Variants in EFNB2 observed in about 807,000 individuals in gnomAD.
The protein encoded by EFNB2 is ephrin B2, also known as ephrin-B2.
A neutral mutation model predicts 32.1 loss-of-function variants in EFNB2; 5 were observed. The ratio of observed to expected loss-of-function variants is 0.16; its 90% CI spans 0.08 to 0.33. EFNB2 has a LOEUF of 0.33. EFNB2 is among the 10% of genes least tolerant of loss of function. The pLI, the probability that EFNB2 is intolerant of heterozygous loss-of-function variation, is 1.00. For synonymous variants in EFNB2, 168 were observed against 166.5 expected (o/e 1.01, Z -0.07); for missense variants, 263 against 422.6 (o/e 0.62, Z 3.31).
intron 2 of EFNB2, among the ~76,000 whole-genome samples, chr13:106,507,842 A>G (rs1594167362): frequency 6.6e-6 from 1 of 152,238 alleles, no homozygotes; most frequent in African/African-American, 2.4e-5. Context: ...CTTACGGACT[A>G]TGCCACAAGA....
intron 2 of EFNB2, among the ~76,000 whole-genome samples, chr13:106,498,231 A>C (rs1878655540): frequency 6.6e-6 from 1 of 152,190 alleles, no homozygotes; most frequent in Non-Finnish European, 1.5e-5. Flanking sequence ...TTTAATCTTG[A>C]GGGGGAAAAG....
At chr13:106,495,133 A>T (rs183842757) in intron 3 of EFNB2, 139 bp from the exon 4 acceptor site, 1 of 671,914 alleles carries the variant, frequency 1.5e-6, no homozygotes, top group African/African-American at 1.8e-5. Context: ...ATACAAGAAT[A>T]TAATTTTTCT....
At chr13:106,515,749 G>C (rs368185789) in intron 1 of EFNB2, among the ~76,000 whole-genome samples, 100 of 152,174 alleles carry the variant, frequency 6.6e-4, no homozygotes, top group Non-Finnish European at 1.1e-3. Context: ...GTTGAGCTGA[G>C]AGCCTGAACT....
intron 1 of EFNB2, among the ~76,000 whole-genome samples, chr13:106,526,752 A>AG (rs1420064184): frequency 6.6e-6 from 1 of 152,194 alleles, no homozygotes; most frequent in Non-Finnish European, 1.5e-5. Flanking sequence ...CTCACTCATG[A>AG]GACAATTCTG....
At chr13:106,523,010 AAC>A (rs1259608849) in intron 1 of EFNB2, among the ~76,000 whole-genome samples, 2 of 152,182 alleles carry the variant, frequency 1.3e-5, no homozygotes, top group Non-Finnish European at 2.9e-5. Context: ...TCAGCCCAGT[AAC>A]ACAGTTTACA....
intron 2 of EFNB2, among the ~76,000 whole-genome samples, chr13:106,504,899 TA>T (rs1164135375): frequency 6.6e-6 from 1 of 152,188 alleles, no homozygotes; most frequent in Non-Finnish European, 1.5e-5. Flanking sequence ...TTGAGGGGCT[TA>T]AAGTACTTGC....
In EFNB2 at chr13:106,512,392, A is replaced by AGGG. The variant is rs59267623; in HGVS notation, c.406+134_406+136dup. 4.5e-3 allele frequency: 1,348 copies of AGGG among 301,058 alleles called. 26 individuals are homozygous for AGGG. The highest frequency in any genetic ancestry group is 6.1e-3 in the East Asian group (98 of 15,964). 18.6% of individuals were successfully genotyped at this position (301,058 alleles called of 1,614,324 possible). ...ATGAAGTTTTCTTTGAAAAAAAAAA[A>AGGG]GGGGGGGGGGACAATTTTTCCACAT... On this transcript the variant is annotated intron_variant, in intron 2 of 4. Transcript: ENST00000646441.
chr13:106,512,530 T>C lies in EFNB2; in HGVS notation c.405A>G (p.Ile135Met). ...ATAAATGAATAAAATTATACTTACA[T>C]ATAATGTAATAATCTTTGTTCTTCT... ...EFQKNKDYYI[I>M]STSNGSLEGL... Residue 135 changes from isoleucine to methionine, a missense_variant and splice_region_variant, in exon 2 of 5, where the codon ATA becomes ATG. Around this residue, in one of 3 missense-constraint regions of EFNB2, gnomAD observed 45 missense variants for 128.6 expected, o/e 0.35. Coordinates refer to ENST00000646441, the MANE Select transcript of EFNB2 (RefSeq NM_004093.4). The C allele has an allele frequency of 6.4e-7, 1 of 1,572,794 alleles. No homozygotes were observed. The highest frequency in any genetic ancestry group is 2.2e-5 in the East Asian group (1 of 44,562).
rs1878374189 is a variant in EFNB2 at position 106,490,741 on chromosome 13, A to ATAGATATATATAATATATATTG, written c.*2277_*2298dup. 2 of 151,700 alleles carry ATAGATATATATAATATATATTG rather than the reference A, an allele frequency of 1.3e-5. No homozygotes were observed. Among genetic ancestry groups the ATAGATATATATAATATATATTG allele is most frequent in the South Asian group, 2.1e-4 (1 of 4,812 alleles). The allele number at this position is 151,700 out of a possible 1,614,324, so 9.4% of individuals were successfully genotyped here. A position where few individuals can be genotyped will look rare whatever the true frequency, so the allele number is the denominator to read the frequency against. Reference sequence around the variant, plus strand: ...TGGCAACCCTCCACAGAAATATGATATAGATATATATAATATATATTGTAG... The same window carrying ATAGATATATATAATATATATTG: ...TGGCAACCCTCCACAGAAATATGATATAGATATATATAATATATATTGTAGATATATATAATATATATTGTAG... On this transcript the variant is annotated 3_prime_UTR_variant, in exon 5 of 5. Transcript: ENST00000646441.
intron 2 of EFNB2, among the ~76,000 whole-genome samples, chr13:106,500,939 G>A (rs1348794232): frequency 6.6e-6 from 1 of 152,168 alleles, no homozygotes; most frequent in Non-Finnish European, 1.5e-5. Flanking sequence ...CTGTATTACT[G>A]TTTTCTTCTA....
chr13:106,515,551 C>T (rs1879284754), intron 1 of EFNB2, among the ~76,000 whole-genome samples: 1 of 152,188 alleles, frequency 6.6e-6, no homozygotes, highest in Non-Finnish European at 1.5e-5. Flanking sequence ...ATTTGATCCT[C>T]GGCTCTTCAA....
At chr13:106,532,309 C>T (rs1319867583) in intron 1 of EFNB2, among the ~76,000 whole-genome samples, 2 of 152,126 alleles carry the variant, frequency 1.3e-5, no homozygotes, top group Non-Finnish European at 2.9e-5. Flanking sequence ...CTGCATGCTC[C>T]CTGTGTCGAC....
chr13:106,512,070 C>T (rs947247071), intron 2 of EFNB2, among the ~76,000 whole-genome samples: 10 of 152,080 alleles, frequency 6.6e-5, no homozygotes, highest in African/African-American at 1.9e-4. Context: ...TTGAGGAAAA[C>T]ATGCTATTTT....
intron 2 of EFNB2, among the ~76,000 whole-genome samples, chr13:106,502,099 G>T (rs2090985556): frequency 6.6e-6 from 1 of 152,130 alleles, no homozygotes; most frequent in Admixed American, 6.5e-5. Context: ...ATGATAGGAA[G>T]AATCACTTGA....
At chr13:106,534,471 G>C (rs1376956753) in intron 1 of EFNB2, among the ~76,000 whole-genome samples, 1 of 152,220 alleles carries the variant, frequency 6.6e-6, no homozygotes, top group African/African-American at 2.4e-5. Flanking sequence ...CCTCTCTCCA[G>C]AGCCCACCAG....
chr13:106,510,721 G>T (rs1879115060), intron 2 of EFNB2, among the ~76,000 whole-genome samples: 2 of 151,028 alleles, frequency 1.3e-5, no homozygotes, highest in Non-Finnish European at 2.9e-5. Flanking sequence ...TACTTTAAAA[G>T]TCTTTACTAA....
chr13:106,514,598 G>GGA (rs1365876291), intron 1 of EFNB2, among the ~76,000 whole-genome samples: 5 of 152,234 alleles, frequency 3.3e-5, no homozygotes, highest in South Asian at 2.1e-4. Context: ...ACATTAAATT[G>GGA]ATCATCTTCC....
At chr13:106,502,169 A>G (rs1013342053) in intron 2 of EFNB2, among the ~76,000 whole-genome samples, 2 of 152,230 alleles carry the variant, frequency 1.3e-5, no homozygotes, top group African/African-American at 2.4e-5. Context: ...TCATGCATTA[A>G]GAAGTAATAA....
Position 106,535,590 on chromosome 13 carries a change from G to C in EFNB2, c.-626C>G, listed in dbSNP as rs1320202214. On this transcript the variant is annotated 5_prime_UTR_variant, in exon 1 of 5. Transcript: ENST00000646441. Reference sequence around the variant, plus strand: ...GCGCGCGGGCCTTTGTGTGCGGGGAGGGCGCCGGGACCCGCTGCGTGCGCA... The same window carrying C: ...GCGCGCGGGCCTTTGTGTGCGGGGACGGCGCCGGGACCCGCTGCGTGCGCA... 1 of 150,534 alleles carries C rather than the reference G, an allele frequency of 6.6e-6. No homozygotes were observed. The highest frequency in any genetic ancestry group is 1.5e-5 in the Non-Finnish European group (1 of 67,452). 9.3% of individuals were successfully genotyped at this position (150,534 alleles called of 1,614,324 possible).
Sources: gnomAD v4.1 joint callset for allele counts (sites outside exome capture counted in the v4.1 genomes callset) on GRCh38, gnomAD v4.1.1 for gene constraint, gnomAD v4.1.1 regional missense constraint, MANE v1.5 for transcripts, NCBI Gene and HGNC (gene_info 2026-07-23, HGNC 2026-07-21) for gene names.